Variants in SRRM4 observed in about 807,000 individuals in gnomAD.
The protein encoded by SRRM4 is serine/arginine repetitive matrix protein 4.
A neutral mutation model predicts 68.9 loss-of-function variants in SRRM4; 33 were observed. That is an observed-to-expected ratio of 0.48 (90% CI 0.36 to 0.64). The LOEUF is 0.64. SRRM4 is among the 30% of genes least tolerant of loss of function. The pLI is 0.00. For missense variants in SRRM4, 817 were observed against 827.1 expected, an observed-to-expected ratio of 0.99 and a Z score of 0.15; for synonymous variants, 318 against 318.8, an observed-to-expected ratio of 1.00 and a Z score of 0.03.
chr12:119,050,273 T>C (rs538014136), intron 1 of SRRM4, among the ~76,000 whole-genome samples: 1 of 152,230 alleles, frequency 6.6e-6, no homozygotes, highest in Non-Finnish European at 1.5e-5. Flanking sequence ...ACCTTCACCA[T>C]CTTTAACAGA....
intron 8 of SRRM4, among the ~76,000 whole-genome samples, chr12:119,143,564 C>T (rs1267214341): frequency 6.6e-6 from 1 of 152,142 alleles, no homozygotes; most frequent in Non-Finnish European, 1.5e-5. Context: ...GCGGGAGAAT[C>T]TGGCCCTGGA....
chr12:119,027,406 G>A (rs576791203), intron 1 of SRRM4, among the ~76,000 whole-genome samples: 2 of 152,282 alleles, frequency 1.3e-5, no homozygotes, highest in African/African-American at 4.8e-5. Flanking sequence ...GAAAGGTCAC[G>A]TCCCTTTTTC....
In SRRM4 at chr12:119,161,443, T is replaced by C. The variant is rs1384050868; in HGVS notation, c.*4645T>C. ...ACTGACAGAAATGTCATCTCTCTTC[T>C]ATCTGTGGTTGCTGTTTTTGGAGTA... On this transcript the variant is annotated 3_prime_UTR_variant, in exon 13 of 13. Coordinates refer to ENST00000267260, the MANE Select transcript of SRRM4 (RefSeq NM_194286.4). The C allele has an allele frequency of 1.3e-5, 2 of 152,252 alleles. No homozygotes were observed. The highest frequency in any genetic ancestry group is 2.4e-5 in the African/African-American group (1 of 41,468). 9.4% of individuals were successfully genotyped at this position (152,252 alleles called of 1,614,324 possible). A position where few individuals can be genotyped will look rare whatever the true frequency, so the allele number is the denominator to read the frequency against.
intron 1 of SRRM4, among the ~76,000 whole-genome samples, chr12:119,093,511 C>T (rs1954026565): frequency 6.6e-6 from 1 of 152,208 alleles, no homozygotes; most frequent in Admixed American, 6.5e-5. Context: ...AAGGGACTCA[C>T]TTGTCCTGTC....
At chr12:119,001,427 A>G (rs1411247652) in intron 1 of SRRM4, 1 of 152,176 alleles carries the variant, frequency 6.6e-6, no homozygotes, top group East Asian at 1.9e-4. Context: ...AACCTCTCTC[A>G]AGGTAGGAAT....
intron 1 of SRRM4, among the ~76,000 whole-genome samples, chr12:119,032,885 G>A (rs537282283): frequency 3.9e-5 from 6 of 152,004 alleles, no homozygotes; most frequent in Non-Finnish European, 5.9e-5. Context: ...GCAAATTGTC[G>A]ATTTTGTTGA....
At position 118,982,089 on chromosome 12, in the gene SRRM4, G is replaced by A. The variant is rs1222717005; in HGVS notation, c.131+76G>A. ...CCTGTGCCCCAGAGCCCGGAGGGGT[G>A]GATGCAGGCAGCCGGGCCAGGGCGC... On this transcript the variant is annotated intron_variant, in intron 1 of 12. Transcript: ENST00000267260. 1.8e-5 allele frequency: 27 copies of A among 1,503,202 alleles called. No individual in the cohort carries two copies. In the South Asian group the frequency reaches 2.5e-4, roughly 14 times the overall value. 93.1% of individuals were successfully genotyped at this position (1,503,202 alleles called of 1,614,324 possible).
chr12:119,018,437 T>A lies in SRRM4; in HGVS notation c.131+36424T>A, dbSNP rs571321011. Among the ~76,000 whole-genome samples, 8 of 152,294 alleles carry A rather than the reference T, an allele frequency of 5.3e-5. No individual in the cohort carries two copies. The East Asian group carries it at 5.8e-4, about 11-fold the overall frequency. On this transcript the variant is annotated intron_variant, in intron 1 of 12. Coordinates refer to ENST00000267260, the MANE Select transcript of SRRM4 (RefSeq NM_194286.4). ...TTCCAACTGACTTCAGCCATTTTTTTAATCTCATTAATAAAGGAAGTTTCA... is the reference window on the plus strand; with the variant it reads ...TTCCAACTGACTTCAGCCATTTTTTAAATCTCATTAATAAAGGAAGTTTCA...
intron 1 of SRRM4, among the ~76,000 whole-genome samples, chr12:119,091,334 G>A (rs1954013087): frequency 6.6e-6 from 1 of 152,198 alleles, no homozygotes; most frequent in South Asian, 2.1e-4. Flanking sequence ...AGGTTCTGAA[G>A]TAGCCACTCA....
At chr12:119,090,765 G>A (rs1954009788) in intron 1 of SRRM4, among the ~76,000 whole-genome samples, 1 of 152,102 alleles carries the variant, frequency 6.6e-6, no homozygotes, top group Non-Finnish European at 1.5e-5. Flanking sequence ...CTCCAGGCTT[G>A]GACTCAATGC....
chr12:119,084,777 C>T (rs931541054), intron 1 of SRRM4, among the ~76,000 whole-genome samples: 1 of 152,146 alleles, frequency 6.6e-6, no homozygotes, highest in Non-Finnish European at 1.5e-5. Flanking sequence ...AGGGACACAA[C>T]AGGCTGAATA....
In SRRM4 at chr12:119,140,830, G is replaced by GA. The variant is rs1176507842; in HGVS notation, c.772-4548dup. Among the ~76,000 whole-genome samples, 38 of 152,348 alleles carry GA rather than the reference G, an allele frequency of 2.5e-4. 1 individual carries two copies. Among genetic ancestry groups the GA allele is most frequent in the African/African-American group, 9.1e-4 (38 of 41,590 alleles). ...CTGAGGGGTATCAGGGGGAATGAGA[G>GA]AAAGAACAGAGGGCTTTCTTTCTCT... On this transcript the variant is annotated intron_variant, in intron 8 of 12. Coordinates refer to ENST00000267260, the MANE Select transcript of SRRM4 (RefSeq NM_194286.4).
In SRRM4 at chr12:119,087,872, C is replaced by T. The variant is rs571075982; in HGVS notation, c.132-14364C>T. ...ACTGGGCTCCCTCACTTGCTCACTG[C>T]GTGTCCTCAGGCAAGCCACTGCACC... On this transcript the variant is annotated intron_variant, in intron 1 of 12. Coordinates refer to ENST00000267260, the MANE Select transcript of SRRM4 (RefSeq NM_194286.4). Among the ~76,000 whole-genome samples, 20 of 150,856 alleles carry T rather than the reference C, an allele frequency of 1.3e-4. No homozygotes were observed. The South Asian group carries it at 2.2e-3, about 17-fold the overall frequency.
chr12:119,015,523 T>C (rs1275405381), intron 1 of SRRM4, among the ~76,000 whole-genome samples: 2 of 152,188 alleles, frequency 1.3e-5, no homozygotes, highest in Non-Finnish European at 2.9e-5. Context: ...CCTTCCTCTT[T>C]TGGCCCTCAC....
intron 1 of SRRM4, among the ~76,000 whole-genome samples, chr12:119,024,659 C>G (rs1953536649): frequency 6.6e-6 from 1 of 152,202 alleles, no homozygotes; most frequent in African/African-American, 2.4e-5. Context: ...TGCATTTAAA[C>G]TGAGCTTCCC....
In SRRM4 at chr12:119,158,886, T is replaced by C. The variant is rs1387817467; in HGVS notation, c.*2088T>C. 6.6e-6 allele frequency: 1 copy of C among 152,530 alleles called. No individual in the cohort carries two copies. Among genetic ancestry groups the C allele is most frequent in the African/African-American group, 2.4e-5 (1 of 41,428 alleles). 9.4% of individuals were successfully genotyped at this position (152,530 alleles called of 1,614,324 possible). On this transcript the variant is annotated 3_prime_UTR_variant, in exon 13 of 13. Transcript: ENST00000267260. ...TAGCAAACCTTTTTATTTATTTTAT[T>C]TATTTATCTATTTATTTATTTGATG...
Position 119,154,300 on chromosome 12 carries a change from G to T in SRRM4, c.1449G>T (p.Ala483=), listed in dbSNP as rs748163314. 3 of 1,611,994 alleles carry T rather than the reference G, an allele frequency of 1.9e-6. No individual in the cohort carries two copies. The South Asian group carries it at 3.3e-5, about 18-fold the overall frequency. The change falls in exon 12 of 13, where the codon GCG becomes GCT. Residue 483 remains alanine (A), a synonymous_variant. Transcript: ENST00000267260. The surrounding 1 kb of genome is among the most constrained non-coding windows in gnomAD (Gnocchi z 4.7). Reference sequence around the variant, plus strand: ...CGCAGCAGCGGGAGCGCGAGCGAGCGCGTCGGAGACGTCGGTCCTACTCGC... The same window carrying T: ...CGCAGCAGCGGGAGCGCGAGCGAGCTCGTCGGAGACGTCGGTCCTACTCGC... The part of the protein sequence containing the change: ...KDSQQRERER[A]RRRRRSYSPM...
At chr12:119,149,368 C>T (rs1262251353) in intron 9 of SRRM4, among the ~76,000 whole-genome samples, 4 of 152,058 alleles carry the variant, frequency 2.6e-5, no homozygotes, top group East Asian at 1.9e-4. Context: ...ATAATGATGT[C>T]GGCTTCAGAA....
intron 1 of SRRM4, among the ~76,000 whole-genome samples, chr12:119,000,127 C>T (rs1953374899): frequency 1.3e-5 from 2 of 152,164 alleles, no homozygotes; most frequent in South Asian, 2.1e-4. Flanking sequence ...CTATATTTCA[C>T]TTCCCCAAGC....
Sources: gnomAD v4.1 joint callset for allele counts (sites outside exome capture counted in the v4.1 genomes callset) on GRCh38, gnomAD v4.1.1 for gene constraint, Gnocchi (gnomAD v3.1) non-coding constraint, MANE v1.5 for transcripts, NCBI Gene and HGNC (gene_info 2026-07-23, HGNC 2026-07-21) for gene names.